The following RTN4 variants were observed in gnomAD, a reference collection of about 807,000 sequenced individuals.
RTN4 encodes the protein reticulon 4.
A neutral mutation model predicts 90.4 loss-of-function variants in RTN4; 32 were observed. The observed-to-expected ratio is 0.35, with a 90% CI of 0.27 to 0.48. The LOEUF is 0.48. Among genes scored for constraint, RTN4 ranks in the 20% least tolerant of loss-of-function variants. The probability of loss-of-function intolerance (pLI) is 0.99; values close to 1 mark genes in which losing one functional copy is unlikely to be tolerated. For synonymous variants in RTN4, 629 were observed against 552.5 expected, an observed-to-expected ratio of 1.14 and a Z score of -1.94; for missense variants, 1,706 against 1,430.2, an observed-to-expected ratio of 1.19 and a Z score of -3.11.
intron 1 of RTN4, among the ~76,000 whole-genome samples, chr2:55,047,312 A>C (rs949800460): frequency 6.7e-6 from 1 of 148,554 alleles, no homozygotes; most frequent in Non-Finnish European, 1.5e-5. Flanking sequence ...CCTGGTGACA[A>C]GGGGGAGACT....
intron 1 of RTN4, among the ~76,000 whole-genome samples, chr2:55,093,132 C>T (rs1487216276): frequency 6.6e-6 from 1 of 152,066 alleles, no homozygotes; most frequent in Non-Finnish European, 1.5e-5. Flanking sequence ...GCTTATGATG[C>T]ACATTCGTGG....
chr2:54,990,785 TCTTTTA>T (rs1678939139), intron 3 of RTN4, among the ~76,000 whole-genome samples: 1 of 152,090 alleles, frequency 6.6e-6, no homozygotes, highest in African/African-American at 2.4e-5. Context: ...AATATATTTT[TCTTTTA>T]CTTTTTTTTT....
intron 3 of RTN4, among the ~76,000 whole-genome samples, chr2:55,005,843 A>G (rs915549359): frequency 1.3e-4 from 20 of 152,194 alleles, no homozygotes; most frequent in Admixed American, 6.5e-5. Flanking sequence ...AATATTTTAC[A>G]TAATTCTGTG....
Position 54,982,554 on chromosome 2 carries a change from C to T in RTN4, c.3321G>A (p.Arg1107=), listed in dbSNP as rs747095317. 3.1e-6 allele frequency: 5 copies of T among 1,613,092 alleles called. No homozygotes were observed. The East Asian group carries it at 8.9e-5, about 29-fold the overall frequency. The change falls in exon 5 of 9, where the codon AGG becomes AGA. Residue 1107 remains arginine (R), a synonymous_variant. Coordinates refer to ENST00000337526, the MANE Select transcript of RTN4 (RefSeq NM_020532.5). Reference sequence around the variant, plus strand: ...CTAAATCATCAACTAAGAAGAGGCGCCTGAGTTCCTTTATCGTGCAGTTCA... The same window carrying T: ...CTAAATCATCAACTAAGAAGAGGCGTCTGAGTTCCTTTATCGTGCAGTTCA... The part of the protein sequence containing the change: ...GHVNCTIKEL[R]RLFLVDDLVD...
At position 54,972,434 on chromosome 2, in the gene RTN4, A is replaced by T. The variant is rs752236460; in HGVS notation, c.*722T>A. ...GCAATGAAATTGATGTTGGAGTTCT[A>T]TGTGTGTGGCATTTCATGTTGAAAA... On this transcript the variant is annotated 3_prime_UTR_variant, in exon 9 of 9. Coordinates refer to ENST00000337526, the MANE Select transcript of RTN4 (RefSeq NM_020532.5). The T allele has an allele frequency of 6.6e-6, 1 of 152,566 alleles. No homozygotes were observed. The highest frequency in any genetic ancestry group is 2.4e-5 in the African/African-American group (1 of 41,446). 9.5% of individuals were successfully genotyped at this position (152,566 alleles called of 1,614,324 possible).
intron 2 of RTN4, among the ~76,000 whole-genome samples, chr2:55,078,779 A>G (rs1332569006): frequency 6.6e-6 from 1 of 152,200 alleles, no homozygotes; most frequent in East Asian, 1.9e-4. Context: ...GGAAAGACGG[A>G]GAATGTGAAA....
At chr2:55,133,798 G>C in the RTN4 span, among the ~76,000 whole-genome samples, 1 of 152,134 alleles carries the variant, frequency 6.6e-6, no homozygotes, top group Non-Finnish European at 1.5e-5. Context: ...ATGTCACAGG[G>C]TGAACCCCAA....
In RTN4 at chr2:54,972,300, T is replaced by A. The variant is rs1208226360; in HGVS notation, c.*856A>T. The stretch of plus-strand genomic sequence containing the variant: ...ATGGTATAAATCTTCATTTTGTAAT[T>A]AATAATTTCTTGCATAACAATGTTT... On this transcript the variant is annotated 3_prime_UTR_variant, in exon 9 of 9. Coordinates refer to ENST00000337526, the MANE Select transcript of RTN4 (RefSeq NM_020532.5). The A allele has an allele frequency of 6.6e-6, 1 of 152,642 alleles. No homozygotes were observed. Among genetic ancestry groups the A allele is most frequent in the Admixed American group, 6.5e-5 (1 of 15,288 alleles). 9.5% of individuals were successfully genotyped at this position (152,642 alleles called of 1,614,324 possible). A position where few individuals can be genotyped will look rare whatever the true frequency, so the allele number is the denominator to read the frequency against.
intron 1 of RTN4, among the ~76,000 whole-genome samples, chr2:55,107,044 T>G (rs1273781407): frequency 6.6e-6 from 1 of 152,084 alleles, no homozygotes; most frequent in African/African-American, 2.4e-5. Context: ...AGCTGTAACT[T>G]TCTGATGTTA....
At chr2:55,130,027 C>T in the RTN4 span, among the ~76,000 whole-genome samples, 9 of 152,158 alleles carry the variant, frequency 5.9e-5, no homozygotes, top group African/African-American at 2.2e-4. Flanking sequence ...ATACTTTGCA[C>T]ATGTGCCTGA....
chr2:55,036,389 G>T (rs1682683171), intron 1 of RTN4, among the ~76,000 whole-genome samples: 1 of 151,946 alleles, frequency 6.6e-6, no homozygotes, highest in Non-Finnish European at 1.5e-5. Context: ...ATCACTTGAG[G>T]CCAAGAGTTT....
chr2:54,994,949 A>G (rs1679299776), intron 3 of RTN4, among the ~76,000 whole-genome samples: 1 of 152,200 alleles, frequency 6.6e-6, no homozygotes, highest in Admixed American at 6.5e-5. Flanking sequence ...AAACATCATC[A>G]TATTCTAAAT....
intron 1 of RTN4, among the ~76,000 whole-genome samples, chr2:55,045,257 T>C (rs1414719124): frequency 6.6e-6 from 1 of 152,232 alleles, no homozygotes; most frequent in Admixed American, 6.5e-5. Context: ...TAAGCACTAA[T>C]ATTCTTTTCT....
At chr2:55,119,456 G>C in the RTN4 span, among the ~76,000 whole-genome samples, 1 of 152,200 alleles carries the variant, frequency 6.6e-6, no homozygotes. Flanking sequence ...AGAACAGAGA[G>C]CTCGTGTGAT....
chr2:55,019,989 C>T (rs1364564713), intron 3 of RTN4, among the ~76,000 whole-genome samples: 1 of 151,696 alleles, frequency 6.6e-6, no homozygotes, highest in Non-Finnish European at 1.5e-5. Flanking sequence ...TAAGTTTAAC[C>T]AAGGAGGTGA....
intron 3 of RTN4, among the ~76,000 whole-genome samples, chr2:55,018,889 T>G (rs945867518): frequency 8.5e-5 from 13 of 152,190 alleles, no homozygotes; most frequent in Admixed American, 3.9e-4. Context: ...CTCACTATTA[T>G]GAAAATGACC....
intron 1 of RTN4, among the ~76,000 whole-genome samples, chr2:55,037,734 C>G (rs1036010337): frequency 9.2e-5 from 14 of 152,186 alleles, no homozygotes; most frequent in African/African-American, 3.4e-4. Context: ...CCCTACTAAT[C>G]TCTAGATTCA....
At chr2:55,113,047 C>T (rs1400432073), upstream of RTN4, among the ~76,000 whole-genome samples, 1 of 152,184 alleles carries the variant, frequency 6.6e-6, no homozygotes, top group Non-Finnish European at 1.5e-5. Flanking sequence ...AGATAGAAGG[C>T]CCTGGCCACA....
At chr2:55,030,442 G>T (rs1286117198) in intron 1 of RTN4, among the ~76,000 whole-genome samples, 1 of 152,080 alleles carries the variant, frequency 6.6e-6, no homozygotes, top group Non-Finnish European at 1.5e-5. Context: ...TATCTTCTGG[G>T]ACTTCAAGAA....
Sources: allele counts gnomAD v4.1 joint callset (sites outside exome capture counted in the v4.1 genomes callset), GRCh38; gene constraint gnomAD v4.1.1; transcripts MANE v1.5; gene names NCBI Gene and HGNC (gene_info 2026-07-23, HGNC 2026-07-21).